Variants in DENND2B observed in about 807,000 individuals in gnomAD.
The protein encoded by DENND2B is DENN domain containing 2B, also known as DENN domain-containing protein 2B.
Under a neutral mutation model 116.0 loss-of-function variants are expected in DENND2B, and 32 were observed. That is an observed-to-expected ratio of 0.28 (90% CI 0.21 to 0.37). The LOEUF (loss-of-function observed/expected upper bound fraction) is 0.37. DENND2B is among the 10% of genes least tolerant of loss of function. DENND2B has a pLI of 1.00. For missense variants in DENND2B, 1,276 were observed against 1,477.7 expected, an observed-to-expected ratio of 0.86 and a Z score of 2.24; for synonymous variants, 588 against 583.9, an observed-to-expected ratio of 1.01 and a Z score of -0.10.
chr11:8,906,752 A>AT (rs1237526888), intron 1 of DENND2B, among the ~76,000 whole-genome samples: 2 of 152,146 alleles, frequency 1.3e-5, no homozygotes, highest in African/African-American at 4.8e-5. Context: ...AGTTTCTTTC[A>AT]TTCCCCCAAT....
chr11:8,718,227 AAG>A, intron 4 of DENND2B: 1 of 903,772 alleles, frequency 1.1e-6, no homozygotes, highest in Non-Finnish European at 1.7e-6. Context: ...AGCCAGCAAC[AAG>A]AGTCTTTCCT....
intron 4 of DENND2B, among the ~76,000 whole-genome samples, chr11:8,820,255 A>G (rs568232763): frequency 6.6e-6 from 1 of 152,322 alleles, no homozygotes; most frequent in East Asian, 1.9e-4. Flanking sequence ...TATATCACAT[A>G]TATTACCCAT....
intron 3 of DENND2B, among the ~76,000 whole-genome samples, chr11:8,849,184 G>A (rs1268424739): frequency 6.6e-6 from 1 of 152,018 alleles, no homozygotes; most frequent in East Asian, 1.9e-4. Context: ...TAAGCACTAG[G>A]GATACAAAGG....
intron 1 of DENND2B, among the ~76,000 whole-genome samples, chr11:8,772,691 G>A (rs1271531629): frequency 1.3e-5 from 2 of 152,082 alleles, no homozygotes; most frequent in Non-Finnish European, 2.9e-5. Context: ...GAAAGGCAGG[G>A]ATAGGCCTAG....
At chr11:8,729,785 C>T (rs777836138) in intron 3 of DENND2B, among the ~76,000 whole-genome samples, 165 bp downstream of exon 3, 1 of 152,214 alleles carries the variant, frequency 6.6e-6, no homozygotes, top group Non-Finnish European at 1.5e-5. Context: ...AAGAGCAGAA[C>T]AATCTCATTT....
chr11:8,693,913 A>C lies in DENND2B; in HGVS notation c.*183T>G. On this transcript the variant is annotated 3_prime_UTR_variant, in exon 20 of 20. Coordinates refer to ENST00000313726, the MANE Select transcript of DENND2B (RefSeq NM_213618.2). ...TGCTTGTTACAAAAAACAGTTAAGA[A>C]AGCTTACAGCAGATTATTTACAAAC... 1.8e-6 allele frequency: 1 copy of C among 563,398 alleles called. No homozygotes were observed. The highest frequency in any genetic ancestry group is 3.1e-6 in the Non-Finnish European group (1 of 323,976). 34.9% of individuals were successfully genotyped at this position (563,398 alleles called of 1,614,324 possible).
At chr11:8,770,826 G>A (rs2056728700) in intron 1 of DENND2B, among the ~76,000 whole-genome samples, 1 of 152,136 alleles carries the variant, frequency 6.6e-6, no homozygotes, top group Admixed American at 6.6e-5. Context: ...AAGTAGCTGG[G>A]ATGATAGGTG....
At chr11:8,704,154 C>A (rs1277999573) in intron 13 of DENND2B, among the ~76,000 whole-genome samples, 10 of 152,186 alleles carry the variant, frequency 6.6e-5, no homozygotes, top group Admixed American at 5.2e-4. Flanking sequence ...GCCCAGGGGG[C>A]TGAAGGAGCT....
chr11:8,910,463 G>C (rs1315764539), intron 1 of DENND2B, among the ~76,000 whole-genome samples: 8 of 151,882 alleles, frequency 5.3e-5, no homozygotes, highest in Admixed American at 5.2e-4. Flanking sequence ...GCGCGATCTC[G>C]TCTCACTGCA....
At chr11:8,701,716 CT>C (rs1295867839) in intron 14 of DENND2B, among the ~76,000 whole-genome samples, 3 of 152,070 alleles carry the variant, frequency 2.0e-5, no homozygotes, top group African/African-American at 7.2e-5. Context: ...AAACTTTTTT[CT>C]TTTTTAAACC....
rs760778848 is a variant in DENND2B, at chr11:8,909,423, A to AAGG, written c.-256+1395_-256+1397dup. Among the ~76,000 whole-genome samples, 148 of 42,458 alleles carry AAGG rather than the reference A, an allele frequency of 3.5e-3. 2 individuals are homozygous for AAGG. Among genetic ancestry groups the AAGG allele is most frequent in the African/African-American group, 5.7e-3 (140 of 24,566 alleles). 27.9% of individuals were successfully genotyped at this position (42,458 alleles called of 152,430 possible). A position where few individuals can be genotyped will look rare whatever the true frequency, so the allele number is the denominator to read the frequency against. On this transcript the variant is annotated intron_variant, in intron 1 of 22. Coordinates refer to the DENND2B transcript ENST00000534127. ...GAAGAAGAGGAAGAAGAGGAAGAGG[A>AAGG]AGGAGGAGGAGGAGGAAGAAGGAGA...
At chr11:8,834,808 AAAC>A (rs2062355646) in intron 4 of DENND2B, among the ~76,000 whole-genome samples, 1 of 152,248 alleles carries the variant, frequency 6.6e-6, no homozygotes, top group Non-Finnish European at 1.5e-5. Flanking sequence ...TTTTCCACAG[AAAC>A]AACACCAGAC....
intron 1 of DENND2B, among the ~76,000 whole-genome samples, chr11:8,755,879 G>A (rs1393730884): frequency 6.6e-6 from 1 of 152,188 alleles, no homozygotes; most frequent in African/African-American, 2.4e-5. Flanking sequence ...GGGCATCTAC[G>A]CACACTGGCT....
At chr11:8,802,296 C>T (rs1363583467) in intron 1 of DENND2B, among the ~76,000 whole-genome samples, 1 of 93,288 alleles carries the variant, frequency 1.1e-5, no homozygotes, top group Non-Finnish European at 2.2e-5. Flanking sequence ...GAGACTCTGT[C>T]TGGAAAAAAA....
chr11:8,775,698 C>T (rs989244717), intron 1 of DENND2B, among the ~76,000 whole-genome samples: 37 of 152,160 alleles, frequency 2.4e-4, no homozygotes, highest in African/African-American at 8.4e-4. Context: ...TCTTCTTTAA[C>T]CAAATAAGAG....
chr11:8,695,701 G>A (rs1056400160), intron 18 of DENND2B, 152 bp from the exon 19 acceptor site: 9 of 679,086 alleles, frequency 1.3e-5, no homozygotes, highest in East Asian at 2.7e-5. Flanking sequence ...ACTAGAATTC[G>A]GGCTGGCTCA....
intron 1 of DENND2B, among the ~76,000 whole-genome samples, chr11:8,887,108 C>T (rs556539761): frequency 3.9e-5 from 6 of 152,134 alleles, no homozygotes; most frequent in East Asian, 1.9e-4. Flanking sequence ...GATTACAGCA[C>T]GGTGAGCCAC....
chr11:8,716,171 G>C (rs928212466), intron 5 of DENND2B, among the ~76,000 whole-genome samples: 1 of 152,220 alleles, frequency 6.6e-6, no homozygotes, highest in Non-Finnish European at 1.5e-5. Flanking sequence ...GATGGAACCA[G>C]TCTTCCGGAC....
chr11:8,898,452 A>C (rs78911750), intron 1 of DENND2B, among the ~76,000 whole-genome samples: 1 of 152,214 alleles, frequency 6.6e-6, no homozygotes, highest in Non-Finnish European at 1.5e-5. Context: ...TACACACTAC[A>C]GGAAAGAAAG....
Sources: gnomAD v4.1 joint callset for allele counts (sites outside exome capture counted in the v4.1 genomes callset) on GRCh38, gnomAD v4.1.1 for gene constraint, MANE v1.5 for transcripts, NCBI Gene and HGNC (gene_info 2026-07-23, HGNC 2026-07-21) for gene names.